The following CSMD1 variants were observed in gnomAD, a reference collection of about 807,000 sequenced individuals.
CSMD1 encodes CUB and Sushi multiple domains 1, also known as CUB and sushi domain-containing protein 1.
In CSMD1, 213 loss-of-function variants were observed where a neutral mutation model predicts 417.5. That is an observed-to-expected ratio of 0.51 (90% CI 0.46 to 0.57). The LOEUF (loss-of-function observed/expected upper bound fraction) is 0.57. Ranked by LOEUF, CSMD1 falls within the 20% of genes least tolerant of loss-of-function variation. The pLI is 0.00. For missense variants in CSMD1, 6,923 were observed against 4,529.7 expected, an observed-to-expected ratio of 1.53 and a Z score of -15.17; for synonymous variants, 2,862 against 1,736.8, an observed-to-expected ratio of 1.65 and a Z score of -16.11.
intron 3 of CSMD1, among the ~76,000 whole-genome samples, chr8:4,281,133 C>T (rs1448068508): frequency 6.6e-6 from 1 of 152,168 alleles, no homozygotes; most frequent in Non-Finnish European, 1.5e-5. Flanking sequence ...CTAGGTGGCA[C>T]TCAGCCCTCG....
chr8:3,235,915 A>ATTTTTTTTTTTT (rs1340103129), intron 26 of CSMD1, among the ~76,000 whole-genome samples: 1 of 74,530 alleles, frequency 1.3e-5, no homozygotes, highest in East Asian at 3.1e-4. Flanking sequence ...TGAAGATGTA[A>ATTTTTTTTTTTT]GTTTTTTTTT....
chr8:2,981,627 A>C (rs1805432537), intron 54 of CSMD1, among the ~76,000 whole-genome samples: 1 of 152,104 alleles, frequency 6.6e-6, no homozygotes, highest in Non-Finnish European at 1.5e-5. Context: ...TTATATACAT[A>C]CAGCTCAGCG....
intron 10 of CSMD1, among the ~76,000 whole-genome samples, chr8:3,518,782 T>C (rs1256176611): frequency 6.6e-6 from 1 of 152,108 alleles, no homozygotes; most frequent in Non-Finnish European, 1.5e-5. Context: ...TTAGAATTAA[T>C]TACTAGATGG....
At position 3,288,821 on chromosome 8, in the gene CSMD1, C is replaced by A. The variant is rs146227904; in HGVS notation, c.3951-4475G>T. 2.4e-3 allele frequency among the ~76,000 whole-genome samples: 355 copies of A among 146,606 alleles called. 46 individuals carry two copies. Among genetic ancestry groups the A allele is most frequent in the East Asian group, 7.7e-3 (39 of 5,074 alleles). ...TAGACTAATTCCTATAATTGTATTT[C>A]TTTTATTTTATTTTATTATTATACT... On this transcript the variant is annotated intron_variant, in intron 25 of 69. Coordinates refer to ENST00000635120, the MANE Select transcript of CSMD1 (RefSeq NM_033225.6).
intron 2 of CSMD1, among the ~76,000 whole-genome samples, chr8:4,537,316 G>T (rs969232049): frequency 1.3e-5 from 2 of 152,146 alleles, no homozygotes; most frequent in Non-Finnish European, 2.9e-5. Flanking sequence ...TGCTGTTAAA[G>T]ATGCGACTTA....
chr8:3,108,218 T>A (rs1287027157), intron 44 of CSMD1, among the ~76,000 whole-genome samples: 1 of 152,166 alleles, frequency 6.6e-6, no homozygotes, highest in African/African-American at 2.4e-5. Flanking sequence ...GTTCTACATA[T>A]CGTTTAGAGT....
intron 1 of CSMD1, among the ~76,000 whole-genome samples, chr8:4,729,958 G>A (rs1054532243): frequency 4.6e-5 from 7 of 152,166 alleles, no homozygotes; most frequent in Non-Finnish European, 8.8e-5. Context: ...ACACACTGCA[G>A]CCTAAACACG....
intron 2 of CSMD1, among the ~76,000 whole-genome samples, chr8:4,519,046 T>C (rs187463932): frequency 6.6e-6 from 1 of 152,196 alleles, no homozygotes. Flanking sequence ...GGCTAGTTTT[T>C]TCACATCTTT....
At chr8:3,012,647 G>A (rs1468775073) in intron 52 of CSMD1, among the ~76,000 whole-genome samples, 3 of 152,212 alleles carry the variant, frequency 2.0e-5, no homozygotes, top group Non-Finnish European at 4.4e-5. Flanking sequence ...CCCAAGGGAA[G>A]TTAATCTAAA....
chr8:4,537,383 C>G (rs1797153165), intron 2 of CSMD1, among the ~76,000 whole-genome samples: 1 of 152,080 alleles, frequency 6.6e-6, no homozygotes, highest in African/African-American at 2.4e-5. Flanking sequence ...TTCTGTAGGG[C>G]AATGTAATAT....
intron 5 of CSMD1, among the ~76,000 whole-genome samples, chr8:3,900,286 G>C (rs564573938): frequency 6.6e-6 from 1 of 150,508 alleles, no homozygotes; most frequent in South Asian, 2.1e-4. Flanking sequence ...TGACAGTGCA[G>C]CTGCGTGACA....
chr8:3,443,128 C>G (rs998191057), intron 12 of CSMD1, among the ~76,000 whole-genome samples: 1 of 152,190 alleles, frequency 6.6e-6, no homozygotes, highest in African/African-American at 2.4e-5. Flanking sequence ...CAGACATCCA[C>G]TAGTGAGCAG....
rs564660516 is a variant in CSMD1 at position 4,012,928 on chromosome 8, G to A, written c.611-14818C>T. ...ATTCCATCAGCACCTTCTTTAAACA[G>A]CATTCTGAGTCCAAATGTGTCTGGC... On this transcript the variant is annotated intron_variant, in intron 4 of 69. Coordinates refer to ENST00000635120, the MANE Select transcript of CSMD1 (RefSeq NM_033225.6). Among the ~76,000 whole-genome samples the A allele has an allele frequency of 3.8e-4, 58 of 152,066 alleles. 1 individual carries two copies. Among genetic ancestry groups the A allele is most frequent in the African/African-American group, 1.3e-3 (52 of 41,480 alleles).
chr8:3,396,487 G>T (rs1811710076), intron 16 of CSMD1, 106 bp from the exon 17 acceptor site: 1 of 732,602 alleles, frequency 1.4e-6, no homozygotes, highest in Non-Finnish European at 2.2e-6. Context: ...ACGTTAACAT[G>T]AAGAAAATAG....
chr8:4,155,762 G>A (rs1012698387), intron 3 of CSMD1, among the ~76,000 whole-genome samples: 1 of 151,982 alleles, frequency 6.6e-6, no homozygotes, highest in African/African-American at 2.4e-5. Flanking sequence ...ATTGATCCCC[G>A]GATCTTTCCA....
intron 12 of CSMD1, among the ~76,000 whole-genome samples, chr8:3,451,392 T>A (rs1000621452): frequency 6.6e-6 from 1 of 152,220 alleles, no homozygotes; most frequent in African/African-American, 2.4e-5. Context: ...TCCTTGCCCA[T>A]GGCTATGTCC....
At chr8:4,375,444 A>G (rs1446707282) in intron 3 of CSMD1, among the ~76,000 whole-genome samples, 1 of 152,116 alleles carries the variant, frequency 6.6e-6, no homozygotes, top group Non-Finnish European at 1.5e-5. Context: ...AGGAAACCAG[A>G]GCTGTCCTCA....
At chr8:4,293,585 G>A (rs772465326) in intron 3 of CSMD1, among the ~76,000 whole-genome samples, 2 of 152,038 alleles carry the variant, frequency 1.3e-5, no homozygotes, top group Non-Finnish European at 1.5e-5. Flanking sequence ...CAATAAAAGA[G>A]CTCATCTCAT....
At chr8:4,573,316 T>C (rs988365238) in intron 2 of CSMD1, among the ~76,000 whole-genome samples, 8 of 152,220 alleles carry the variant, frequency 5.3e-5, no homozygotes, top group Non-Finnish European at 1.2e-4. Context: ...ATGGGCATCC[T>C]TTTTGTTAAT....
Sources: gnomAD v4.1 joint callset for allele counts (sites outside exome capture counted in the v4.1 genomes callset) on GRCh38, gnomAD v4.1.1 for gene constraint, MANE v1.5 for transcripts, NCBI Gene and HGNC (gene_info 2026-07-23, HGNC 2026-07-21) for gene names.